SPOCK3: variants seen among roughly 807,000 people sequenced by gnomAD.
SPOCK3 encodes the protein SPARC (osteonectin), cwcv and kazal like domains proteoglycan 3, also known as testican-3.
In SPOCK3, 30 loss-of-function variants were observed where a neutral mutation model predicts 56.6. That is an observed-to-expected ratio of 0.53 (90% CI 0.40 to 0.72). SPOCK3 has a LOEUF of 0.72. Ranked by LOEUF, SPOCK3 falls within the 30% of genes least tolerant of loss-of-function variation. SPOCK3 has a pLI of 0.00. For missense variants in SPOCK3, 527 were observed against 530.0 expected (o/e 0.99, Z 0.06); for synonymous variants, 196 against 183.3 (o/e 1.07, Z -0.56).
intron 5 of SPOCK3, among the ~76,000 whole-genome samples, chr4:166,902,708 TAA>T (rs1206704801): frequency 3.3e-5 from 5 of 151,822 alleles, no homozygotes; most frequent in Admixed American, 6.6e-5. Flanking sequence ...CACATATATA[TAA>T]GTTATAGTTC....
At chr4:167,125,229 TTTTA>T (rs1762174716) in intron 2 of SPOCK3, among the ~76,000 whole-genome samples, 6 of 144,806 alleles carry the variant, frequency 4.1e-5, no homozygotes, top group Admixed American at 3.5e-4. Flanking sequence ...ATTTATTTAT[TTTTA>T]TTTATTTTTA....
rs1320015311 is a variant in SPOCK3 at position 166,734,397 on chromosome 4, C to T, written c.*524G>A. Reference sequence around the variant, plus strand: ...AATGTAAACACAATTGAGGACTCTACAATTGTCACTTTGTTTTTCTTGCCA... The same window carrying T: ...AATGTAAACACAATTGAGGACTCTATAATTGTCACTTTGTTTTTCTTGCCA... On this transcript the variant is annotated 3_prime_UTR_variant, in exon 11 of 11. Transcript: ENST00000357545. 1 of 152,026 alleles carries T rather than the reference C, an allele frequency of 6.6e-6. No homozygotes were observed. The highest frequency in any genetic ancestry group is 1.5e-5 in the Non-Finnish European group (1 of 67,980). 9.4% of individuals were successfully genotyped at this position (152,026 alleles called of 1,614,324 possible).
chr4:166,748,726 C>T (rs113203252), intron 8 of SPOCK3, among the ~76,000 whole-genome samples: 38,036 of 135,858 alleles, frequency 0.28, 10,264 homozygotes, highest in South Asian at 0.36. Flanking sequence ...AAAATTTTTG[C>T]AATCTATTCA....
chr4:166,750,731 A>G (rs1174394757), intron 8 of SPOCK3, among the ~76,000 whole-genome samples: 1 of 152,208 alleles, frequency 6.6e-6, no homozygotes, highest in East Asian at 1.9e-4. Context: ...GAAATTTTGA[A>G]CTAAAGAAAA....
chr4:167,085,855 G>A (rs138149010), intron 2 of SPOCK3, among the ~76,000 whole-genome samples: 151 of 152,118 alleles, frequency 9.9e-4, no homozygotes, highest in Non-Finnish European at 1.7e-3. Context: ...GAACAGAAAT[G>A]ACATCTCATT....
chr4:166,882,419 A>G (rs1211747537), intron 6 of SPOCK3, among the ~76,000 whole-genome samples: 1 of 152,140 alleles, frequency 6.6e-6, no homozygotes, highest in African/African-American at 2.4e-5. Flanking sequence ...GGCTTGCATC[A>G]ATTGTGATTT....
intron 2 of SPOCK3, among the ~76,000 whole-genome samples, chr4:167,109,258 T>G (rs1218806005): frequency 1.1e-5 from 1 of 90,022 alleles, no homozygotes; most frequent in African/African-American, 4.5e-5. Context: ...TATTATATAT[T>G]TATTATTATT....
At chr4:166,960,726 A>T (rs1744043405) in intron 4 of SPOCK3, among the ~76,000 whole-genome samples, 1 of 152,228 alleles carries the variant, frequency 6.6e-6, no homozygotes, top group Admixed American at 6.5e-5. Context: ...ATGAACACTG[A>T]TAAGTGAAGG....
At chr4:167,048,037 C>T (rs781650829) in intron 3 of SPOCK3, among the ~76,000 whole-genome samples, 2 of 151,770 alleles carry the variant, frequency 1.3e-5, no homozygotes, top group Non-Finnish European at 2.9e-5. Context: ...TACTTTGTAT[C>T]GAAAAGAAAA....
chr4:166,846,754 T>TC (rs1190421656), intron 6 of SPOCK3, among the ~76,000 whole-genome samples: 1 of 152,158 alleles, frequency 6.6e-6, no homozygotes, highest in Non-Finnish European at 1.5e-5. Context: ...TTCTTAGGTC[T>TC]CTGGTAATTT....
At position 166,952,622 on chromosome 4, in the gene SPOCK3, T is replaced by C. The variant is rs561096198; in HGVS notation, c.351-39879A>G. Among the ~76,000 whole-genome samples the C allele has an allele frequency of 4.1e-3, 631 of 152,140 alleles. 3 individuals are homozygous for C. The highest frequency in any genetic ancestry group is 0.01 in the Middle Eastern group (3 of 294). On this transcript the variant is annotated intron_variant, in intron 4 of 10. Transcript: ENST00000357545. ...TGGAACCAAAAAAGAGCCCGCATCG[T>C]CAAGGCAATCCTAAGTCAAAAGAAC...
intron 6 of SPOCK3, among the ~76,000 whole-genome samples, chr4:166,874,445 G>A (rs1287171428): frequency 6.6e-6 from 1 of 152,182 alleles, no homozygotes; most frequent in African/African-American, 2.4e-5. Context: ...TTGATAAGTA[G>A]AATTGATTAT....
At chr4:167,221,423 T>G (rs1426724731) in intron 2 of SPOCK3, among the ~76,000 whole-genome samples, 1 of 152,046 alleles carries the variant, frequency 6.6e-6, no homozygotes, top group African/African-American at 2.4e-5. Context: ...GAGCTGTCTG[T>G]AGTAACTGTT....
intron 4 of SPOCK3, among the ~76,000 whole-genome samples, chr4:166,988,515 A>G (rs1747408318): frequency 6.6e-6 from 1 of 152,166 alleles, no homozygotes; most frequent in Non-Finnish European, 1.5e-5. Flanking sequence ...AGAATAAAGC[A>G]TATTCATCTA....
At chr4:166,959,381 G>A (rs771670174) in intron 4 of SPOCK3, among the ~76,000 whole-genome samples, 22 of 152,206 alleles carry the variant, frequency 1.4e-4, no homozygotes, top group Middle Eastern at 3.4e-3. Context: ...TTGGGAGGCC[G>A]AGGTAGGTGG....
At chr4:167,126,851 G>C (rs530608683) in intron 2 of SPOCK3, among the ~76,000 whole-genome samples, 139 of 152,064 alleles carry the variant, frequency 9.1e-4, no homozygotes, top group Non-Finnish European at 1.7e-3. Context: ...TCAGCCTCTG[G>C]TTCCTCTTCC....
At chr4:167,089,073 T>C (rs1026044184) in intron 2 of SPOCK3, among the ~76,000 whole-genome samples, 79 of 152,284 alleles carry the variant, frequency 5.2e-4, no homozygotes, top group African/African-American at 1.8e-3. Flanking sequence ...GAGGTGCTGG[T>C]ATTCTATAAA....
intron 2 of SPOCK3, among the ~76,000 whole-genome samples, chr4:167,222,554 AAT>A (rs1491336221): frequency 2.9e-5 from 4 of 140,120 alleles, no homozygotes; most frequent in Admixed American, 1.5e-4. Flanking sequence ...ATGAATATAT[AAT>A]ATATATACAT....
chr4:166,996,341 G>C (rs1286043785), intron 4 of SPOCK3, among the ~76,000 whole-genome samples: 1 of 152,106 alleles, frequency 6.6e-6, no homozygotes, highest in Non-Finnish European at 1.5e-5. Flanking sequence ...CACTGATCTA[G>C]AAATAGTGTT....
Sources: gnomAD v4.1 joint callset for allele counts (sites outside exome capture counted in the v4.1 genomes callset) on GRCh38, gnomAD v4.1.1 for gene constraint, MANE v1.5 for transcripts, NCBI Gene and HGNC (gene_info 2026-07-23, HGNC 2026-07-21) for gene names.